KAZN: variants seen among roughly 807,000 people sequenced by gnomAD.
The protein encoded by KAZN is kazrin, periplakin interacting protein.
KAZN carries 40 observed loss-of-function variants against 87.4 expected under a neutral mutation model. That is an observed-to-expected ratio of 0.46 (90% confidence interval 0.36 to 0.60). The LOEUF (loss-of-function observed/expected upper bound fraction) is 0.60, where lower values mean the gene tolerates loss of function less well. Among genes scored for constraint, KAZN ranks in the 20% least tolerant of loss-of-function variants. KAZN has a pLI of 0.00. For synonymous variants in KAZN, 466 were observed against 458.3 expected, an observed-to-expected ratio of 1.02 and a Z score of -0.22; for missense variants, 898 against 1,073.9, an observed-to-expected ratio of 0.84 and a Z score of 2.29.
At chr1:14,381,549 C>G (rs774103036) in intron 2 of KAZN, among the ~76,000 whole-genome samples, 47 of 152,246 alleles carry the variant, frequency 3.1e-4, no homozygotes, top group Non-Finnish European at 5.6e-4. Flanking sequence ...TCTGATACAT[C>G]ATATCAATGG....
intron 2 of KAZN, among the ~76,000 whole-genome samples, chr1:14,417,134 G>C (rs1036437712): frequency 6.6e-6 from 1 of 150,578 alleles, no homozygotes; most frequent in African/African-American, 2.5e-5. Flanking sequence ...AGAGGTTGCA[G>C]TGACCCAAGA....
chr1:14,737,952 A>C (rs975243671), intron 1 of KAZN, among the ~76,000 whole-genome samples: 1 of 152,168 alleles, frequency 6.6e-6, no homozygotes, highest in South Asian at 2.1e-4. Flanking sequence ...CAAAGTCAAC[A>C]GTGGTAATGT....
chr1:14,196,664 C>T (rs1441632630), intron 2 of KAZN, among the ~76,000 whole-genome samples: 5 of 151,958 alleles, frequency 3.3e-5, no homozygotes, highest in African/African-American at 1.2e-4. Context: ...GTTTAAGATG[C>T]TGGGAGACCT....
intron 1 of KAZN, among the ~76,000 whole-genome samples, chr1:13,978,174 T>G (rs1341428895): frequency 6.7e-6 from 1 of 150,076 alleles, no homozygotes; most frequent in Non-Finnish European, 1.5e-5. Context: ...ATTCTTAAGT[T>G]GCATATGTGC....
intron 2 of KAZN, among the ~76,000 whole-genome samples, chr1:14,303,698 C>T (rs1654718443): frequency 6.6e-6 from 1 of 152,172 alleles, no homozygotes; most frequent in Non-Finnish European, 1.5e-5. Context: ...TTCTCCCTTC[C>T]CATTTATGCC....
At chr1:14,665,982 A>G (rs1276943300) in intron 1 of KAZN, among the ~76,000 whole-genome samples, 5 of 151,792 alleles carry the variant, frequency 3.3e-5, no homozygotes, top group Non-Finnish European at 7.4e-5. Flanking sequence ...GGAGATGGAT[A>G]ACAATGTCTT....
chr1:14,340,647 A>T (rs1302369523), intron 2 of KAZN, among the ~76,000 whole-genome samples: 1 of 152,202 alleles, frequency 6.6e-6, no homozygotes, highest in African/African-American at 2.4e-5. Flanking sequence ...ACTGATAACA[A>T]GGCACAATGC....
intron 1 of KAZN, among the ~76,000 whole-genome samples, chr1:14,150,983 T>C (rs78201039): frequency 6.7e-6 from 1 of 150,366 alleles, no homozygotes; most frequent in Non-Finnish European, 1.5e-5. Flanking sequence ...CACACACACG[T>C]GTGGGTGTAT....
intron 1 of KAZN, among the ~76,000 whole-genome samples, chr1:13,985,541 C>T (rs1263571815): frequency 4.2e-5 from 5 of 118,944 alleles, no homozygotes; most frequent in Non-Finnish European, 8.1e-5. Flanking sequence ...GAACATCACA[C>T]TCTGGGGACT....
intron 1 of KAZN, among the ~76,000 whole-genome samples, chr1:14,771,541 T>C (rs896123635): frequency 3.3e-5 from 5 of 152,024 alleles, no homozygotes; most frequent in African/African-American, 1.2e-4. Context: ...GAGTCTAGGA[T>C]AGGCCTGGGC....
intron 1 of KAZN, among the ~76,000 whole-genome samples, chr1:14,140,051 A>T (rs6696275): frequency 0.56 from 84,301 of 151,406 alleles, 24,881 homozygotes; most frequent in East Asian, 0.72. Context: ...GGCATCCATG[A>T]AAGTCTTCAA....
chr1:14,259,115 G>T (rs911782613), intron 2 of KAZN, among the ~76,000 whole-genome samples: 1 of 151,918 alleles, frequency 6.6e-6, no homozygotes, highest in Non-Finnish European at 1.5e-5. Flanking sequence ...CACAAAGGCC[G>T]ATGGTTTCTG....
chr1:14,390,560 A>G (rs1662331924), intron 2 of KAZN: 1 of 152,268 alleles, frequency 6.6e-6, no homozygotes, highest in South Asian at 2.1e-4. Context: ...AGGGAGGATC[A>G]TGTTTTGTAT....
intron 1 of KAZN, among the ~76,000 whole-genome samples, chr1:14,855,209 G>C (rs6683083): frequency 0.11 from 16,302 of 152,072 alleles, 977 homozygotes; most frequent in Admixed American, 0.15. Context: ...ACAGTGCATT[G>C]CCCTCTATAG....
At chr1:14,874,883 A>G (rs1299348335) in intron 1 of KAZN, among the ~76,000 whole-genome samples, 1 of 152,168 alleles carries the variant, frequency 6.6e-6, no homozygotes, top group Non-Finnish European at 1.5e-5. Flanking sequence ...TCCTAGACTT[A>G]CTTGGTTTTG....
intron 8 of KAZN, among the ~76,000 whole-genome samples, chr1:15,075,074 C>A (rs1051832838): frequency 3.3e-5 from 5 of 152,126 alleles, no homozygotes; most frequent in African/African-American, 1.2e-4. Flanking sequence ...GCTGCAGGGG[C>A]CAGCCCAGAA....
intron 8 of KAZN, among the ~76,000 whole-genome samples, chr1:15,089,981 C>T (rs928076042): frequency 1.3e-5 from 2 of 152,110 alleles, no homozygotes; most frequent in African/African-American, 2.4e-5. Flanking sequence ...GCATGAGTTC[C>T]CCTCCTTCGT....
chr1:14,717,007 C>T (rs1400264960), intron 1 of KAZN, among the ~76,000 whole-genome samples: 2 of 151,422 alleles, frequency 1.3e-5, no homozygotes, highest in Admixed American at 6.6e-5. Context: ...TCCAGCCCTG[C>T]CCTTCAAGGC....
intron 2 of KAZN, among the ~76,000 whole-genome samples, chr1:14,253,238 A>G (rs6673156): frequency 0.41 from 61,485 of 151,794 alleles, 17,361 homozygotes; most frequent in African/African-American, 0.78. Context: ...CTTTTCTGCC[A>G]TATTATTACG....
Sources: allele counts gnomAD v4.1 joint callset (sites outside exome capture counted in the v4.1 genomes callset), GRCh38; gene constraint gnomAD v4.1.1; transcripts MANE v1.5; gene names NCBI Gene and HGNC (gene_info 2026-07-23, HGNC 2026-07-21).